The following SNX31 variants were observed in gnomAD, a reference collection of about 807,000 sequenced individuals.
SNX31 encodes the protein sorting nexin-31.
SNX31 carries 58 observed loss-of-function variants against 65.4 expected under a neutral mutation model. The ratio of observed to expected loss-of-function variants is 0.89; its 90% CI spans 0.72 to 1.10. The LOEUF is 1.10. Ranked by LOEUF, SNX31 falls within the 50% of genes least tolerant of loss-of-function variation. SNX31 has a pLI of 0.00. For missense variants in SNX31, 523 were observed against 529.7 expected (o/e 0.99, Z 0.12); for synonymous variants, 181 against 190.1 (o/e 0.95, Z 0.39).
At position 100,641,623 on chromosome 8, in the gene SNX31, C is replaced by T. The variant is rs1234023022; in HGVS notation, c.142-5612G>A. On this transcript the variant is annotated intron_variant, in intron 2 of 13. Transcript: ENST00000311812. ...ACATACACACACACACGCACACACG[C>T]GCATATATATATATATATATATATA... is the stretch of plus-strand genomic sequence containing the variant. 1.5e-3 allele frequency among the ~76,000 whole-genome samples: 26 copies of T among 16,800 alleles called. 1 individual carries two copies. The highest frequency in any genetic ancestry group is 0.011 in the South Asian group (4 of 380). The allele number at this position is 16,800 out of a possible 152,430, so 11.0% of individuals were successfully genotyped here. A position where few individuals can be genotyped will look rare whatever the true frequency, so the allele number is the denominator to read the frequency against.
chr8:100,624,664 G>C (rs1817926841), intron 4 of SNX31, among the ~76,000 whole-genome samples: 1 of 152,120 alleles, frequency 6.6e-6, no homozygotes, highest in South Asian at 2.1e-4. Context: ...TGTGATATTT[G>C]AATTTTACTA....
chr8:100,652,133 A>C (rs923426059), upstream of SNX31, among the ~76,000 whole-genome samples: 8 of 151,876 alleles, frequency 5.3e-5, no homozygotes, highest in Non-Finnish European at 1.0e-4. Flanking sequence ...CACACGCCAC[A>C]ATGCCCGGCT....
rs1818288116 is a variant in SNX31 at position 100,629,644 on chromosome 8, G to T, written c.321+683C>A. ...TCCAGTTAACTAGTATCATATTACT[G>T]CGGAACTTAAATTCTTTCAGAGCTT... On this transcript the variant is annotated intron_variant, in intron 4 of 13. Coordinates refer to ENST00000311812, the MANE Select transcript of SNX31 (RefSeq NM_152628.4). This position sits in a 1 kb window ranked among gnomAD's most constrained non-coding sequence, Gnocchi z 5.1. Among the ~76,000 whole-genome samples, 1 of 152,162 alleles carries T rather than the reference G, an allele frequency of 6.6e-6. No individual in the cohort carries two copies. Among genetic ancestry groups the T allele is most frequent in the Non-Finnish European group, 1.5e-5 (1 of 68,024 alleles).
chr8:100,577,722 G>C (rs1408157694), intron 12 of SNX31, among the ~76,000 whole-genome samples: 3 of 152,224 alleles, frequency 2.0e-5, no homozygotes, highest in Non-Finnish European at 4.4e-5. Flanking sequence ...GAAGGGGCGA[G>C]GGAGCAGCTG....
chr8:100,619,477 A>T (rs1310168128), intron 4 of SNX31, among the ~76,000 whole-genome samples: 2 of 152,196 alleles, frequency 1.3e-5, no homozygotes, highest in Admixed American at 1.3e-4. Context: ...GGGATCTGTG[A>T]CATTCTTGGG....
rs543390420 is a variant in SNX31 at position 100,588,673 on chromosome 8, C to T, written c.1092+193G>A. 3.5e-4 allele frequency among the ~76,000 whole-genome samples: 53 copies of T among 152,286 alleles called. No individual in the cohort carries two copies. Among genetic ancestry groups the T allele is most frequent in the African/African-American group, 1.2e-3 (50 of 41,572 alleles). ...TAACTAAATTCATTTCTAACTGATA[C>T]AAAGGCCACGGTGACTAGTAAAATA... On this transcript the variant is annotated intron_variant, in intron 11 of 13. Coordinates refer to ENST00000311812, the MANE Select transcript of SNX31 (RefSeq NM_152628.4). This position sits in a 1 kb window ranked among gnomAD's most constrained non-coding sequence, Gnocchi z 4.8.
chr8:100,638,263 G>A (rs1818917375), intron 2 of SNX31, among the ~76,000 whole-genome samples: 1 of 152,170 alleles, frequency 6.6e-6, no homozygotes, highest in Non-Finnish European at 1.5e-5. Context: ...ACCTAGAACT[G>A]TGCCATCTAA....
intron 8 of SNX31, among the ~76,000 whole-genome samples, chr8:100,603,280 T>C (rs114767342): frequency 0.046 from 7,028 of 152,080 alleles, 540 homozygotes; most frequent in African/African-American, 0.16. Flanking sequence ...AGGGGAACAA[T>C]ATCGAAAAGA....
At chr8:100,646,942 A>T (rs1819684591) in intron 2 of SNX31, among the ~76,000 whole-genome samples, 1 of 152,218 alleles carries the variant, frequency 6.6e-6, no homozygotes, top group Non-Finnish European at 1.5e-5. Flanking sequence ...CATTAACAAT[A>T]TGACTTTAGG....
In SNX31 at chr8:100,612,665, C is replaced by G. The variant is rs886500047; in HGVS notation, c.523+330G>C. On this transcript the variant is annotated intron_variant, in intron 6 of 13. Transcript: ENST00000311812. This position sits in a 1 kb window ranked among gnomAD's most constrained non-coding sequence, Gnocchi z 4.3. ...ATGCTGTGGTGGGGCGTCCTGACCC[C>G]TGGAGTCTAGCACTCCATTCACAGG... is the stretch of plus-strand genomic sequence containing the variant. Among the ~76,000 whole-genome samples, 1 of 152,182 alleles carries G rather than the reference C, an allele frequency of 6.6e-6. No individual in the cohort carries two copies. The highest frequency in any genetic ancestry group is 2.4e-5 in the African/African-American group (1 of 41,444).
At chr8:100,584,275 A>T in intron 11 of SNX31, 87 bp from the exon 12 acceptor site, 1 of 1,002,558 alleles carries the variant, frequency 1.0e-6, no homozygotes, top group Non-Finnish European at 1.4e-6. Flanking sequence ...GCGGATTTTG[A>T]CTCTGCCCTC....
chr8:100,577,185 A>C, intron 12 of SNX31, 110 bp from the exon 13 acceptor site: 1 of 927,576 alleles, frequency 1.1e-6, no homozygotes, highest in Non-Finnish European at 1.7e-6. Context: ...TAATCGTCCC[A>C]AAGGCTGCCG....
chr8:100,585,013 C>T (rs781671537), intron 11 of SNX31, among the ~76,000 whole-genome samples: 16 of 152,044 alleles, frequency 1.1e-4, no homozygotes, highest in South Asian at 2.1e-4. Flanking sequence ...TGTGAGCCAC[C>T]GTGCCTGGCC....
rs748054423 is a variant in SNX31 at position 100,577,089 on chromosome 8, T to C, written c.1171-14A>G. 6.2e-7 allele frequency: 1 copy of C among 1,611,038 alleles called. No individual in the cohort carries two copies. Among genetic ancestry groups the C allele is most frequent in the East Asian group, 2.2e-5 (1 of 44,816 alleles). On this transcript the variant is annotated splice_polypyrimidine_tract_variant and intron_variant, in intron 12 of 13. Coordinates refer to ENST00000311812, the MANE Select transcript of SNX31 (RefSeq NM_152628.4). ...AACTTCAATCTGCTAGATAGATTAG[T>C]GAAATGTCAGTCAGCTCAGCCCAGA...
rs180721123 is a variant in SNX31 at position 100,662,472 on chromosome 8, C to T, written c.-58+670G>A. ...CAGCACTTTGGGAGGCCAAGGTGGG[C>T]GGTTCACCTGAGGTCAGGGGTTTGA... On this transcript the variant is annotated intron_variant, in intron 1 of 5. Coordinates refer to the SNX31 transcript ENST00000520352. 7.1e-3 allele frequency among the ~76,000 whole-genome samples: 1,080 copies of T among 152,210 alleles called. 13 individuals carry two copies. The highest frequency in any genetic ancestry group is 0.027 in the Middle Eastern group (8 of 294).
Position 100,630,216 on chromosome 8 carries a change from A to C in SNX31, c.321+111T>G. Reference sequence around the variant, plus strand: ...AAATGAATATATTTTGTCCAAGTCCAGGCTCTGTGGGGCTGTGACCAGTGC... The same window carrying C: ...AAATGAATATATTTTGTCCAAGTCCCGGCTCTGTGGGGCTGTGACCAGTGC... On this transcript the variant is annotated intron_variant, in intron 4 of 13. Coordinates refer to ENST00000311812, the MANE Select transcript of SNX31 (RefSeq NM_152628.4). The surrounding 1 kb of genome is among the most constrained non-coding windows in gnomAD (Gnocchi z 5.3). The C allele has an allele frequency of 2.1e-6, 2 of 946,774 alleles. No homozygotes were observed. The highest frequency in any genetic ancestry group is 3.2e-6 in the Non-Finnish European group (2 of 629,060). 58.6% of individuals were successfully genotyped at this position (946,774 alleles called of 1,614,324 possible).
chr8:100,589,001 A>G, intron 10 of SNX31, 22 bp from the exon 11 acceptor site: 1 of 1,581,234 alleles, frequency 6.3e-7, no homozygotes. Context: ...AATATTTTAT[A>G]TTCAATGTAA....
intron 7 of SNX31, 85 bp downstream of exon 7, chr8:100,611,915 C>T (rs1180075101): frequency 9.7e-7 from 1 of 1,026,362 alleles, no homozygotes; most frequent in Non-Finnish European, 1.5e-6. Flanking sequence ...AGGCTATGAG[C>T]AGGATGTGAC....
chr8:100,661,187 G>C (rs1304392087), intron 1 of SNX31, among the ~76,000 whole-genome samples: 1 of 152,056 alleles, frequency 6.6e-6, no homozygotes, highest in East Asian at 1.9e-4. Context: ...TGTATTTTTA[G>C]TAGAGACGAG....
Sources: gnomAD v4.1 joint callset for allele counts (sites outside exome capture counted in the v4.1 genomes callset) on GRCh38, gnomAD v4.1.1 for gene constraint, Gnocchi (gnomAD v3.1) non-coding constraint, MANE v1.5 for transcripts, NCBI Gene and HGNC (gene_info 2026-07-23, HGNC 2026-07-21) for gene names.